Variants in ALX4 observed in about 807,000 individuals in gnomAD.
The protein encoded by ALX4 is homeobox protein aristaless-like 4.
A neutral mutation model predicts 40.6 loss-of-function variants in ALX4; 22 were observed. The observed-to-expected ratio is 0.54, with a 90% CI of 0.39 to 0.77. The LOEUF (loss-of-function observed/expected upper bound fraction) is 0.77, where lower values mean the gene tolerates loss of function less well. Among genes scored for constraint, ALX4 ranks in the 30% least tolerant of loss-of-function variants. The pLI, the probability that ALX4 is intolerant of heterozygous loss-of-function variation, is 0.00. For synonymous variants in ALX4, 266 were observed against 240.5 expected, an observed-to-expected ratio of 1.11 and a Z score of -0.98; for missense variants, 556 against 564.8, an observed-to-expected ratio of 0.98 and a Z score of 0.16.
intron 1 of ALX4, among the ~76,000 whole-genome samples, chr11:44,307,314 G>A (rs1021315507): frequency 6.6e-6 from 1 of 152,208 alleles, no homozygotes; most frequent in Admixed American, 6.5e-5. Context: ...TTGCTGTCAG[G>A]TCACACTGCC....
intron 1 of ALX4, among the ~76,000 whole-genome samples, chr11:44,300,942 G>T (rs1287024709): frequency 4.6e-5 from 7 of 152,122 alleles, no homozygotes; most frequent in Admixed American, 4.6e-4. Context: ...GCGCCTGCAC[G>T]CCCCAGGGCA....
chr11:44,298,188 T>C lies in ALX4; in HGVS notation c.466+11409A>G, dbSNP rs151000769. 1.6e-3 allele frequency among the ~76,000 whole-genome samples: 244 copies of C among 152,334 alleles called. 1 individual carries two copies. The highest frequency in any genetic ancestry group is 5.3e-3 in the African/African-American group (222 of 41,588). On this transcript the variant is annotated intron_variant, in intron 1 of 3. Coordinates refer to ENST00000652299, the MANE Select transcript of ALX4 (RefSeq NM_021926.4). ...TGAGCTGTTCCCCCTCTTTGAACTT[T>C]GGCTTCCATCTGTAAAATGGAGATT...
chr11:44,281,325 C>A (rs1956308777), intron 1 of ALX4, among the ~76,000 whole-genome samples: 1 of 151,992 alleles, frequency 6.6e-6, no homozygotes, highest in South Asian at 2.1e-4. Context: ...CGCAGGCACA[C>A]AAGTGGGATG....
Position 44,309,588 on chromosome 11 carries a change from T to C in ALX4, c.466+9A>G. On this transcript the variant is annotated intron_variant, in intron 1 of 3. Coordinates refer to ENST00000652299, the MANE Select transcript of ALX4 (RefSeq NM_021926.4). ...TCCCCAGCACCAGGTGACCCGCACGTGCACTCACCGTAGCAGGGAACCTGC... is the reference window on the plus strand; with the variant it reads ...TCCCCAGCACCAGGTGACCCGCACGCGCACTCACCGTAGCAGGGAACCTGC... 3 of 1,575,814 alleles carry C rather than the reference T, an allele frequency of 1.9e-6. No homozygotes were observed. Among genetic ancestry groups the C allele is most frequent in the Non-Finnish European group, 2.6e-6 (3 of 1,169,902 alleles).
intron 1 of ALX4, among the ~76,000 whole-genome samples, chr11:44,284,190 G>A (rs1015123269): frequency 2.7e-4 from 41 of 151,168 alleles, no homozygotes; most frequent in African/African-American, 9.7e-4. Context: ...ATGGGTCTAT[G>A]GGTTAATTTT....
intron 1 of ALX4, among the ~76,000 whole-genome samples, chr11:44,292,882 G>T (rs549384557): frequency 1.3e-5 from 2 of 152,140 alleles, no homozygotes; most frequent in South Asian, 4.2e-4. Context: ...GACTGCCTGA[G>T]CTCAGGAGTT....
intron 2 of ALX4, 89 bp from the exon 3 acceptor site, chr11:44,267,711 C>T: frequency 1.9e-6 from 3 of 1,583,188 alleles, no homozygotes; most frequent in South Asian, 2.2e-5. Flanking sequence ...TCCCTTGAGC[C>T]CCCCATCAGT....
At chr11:44,304,964 C>T (rs371333365) in intron 1 of ALX4, among the ~76,000 whole-genome samples, 1 of 152,240 alleles carries the variant, frequency 6.6e-6, no homozygotes, top group Admixed American at 6.5e-5. Flanking sequence ...GAATCGGGAC[C>T]GCGCAAATGC....
chr11:44,286,305 A>G (rs1956338282), intron 1 of ALX4, among the ~76,000 whole-genome samples: 1 of 152,080 alleles, frequency 6.6e-6, no homozygotes, highest in Non-Finnish European at 1.5e-5. Flanking sequence ...GCTCAACAAC[A>G]TTGCATGAAT....
Position 44,309,885 on chromosome 11 carries a change from C to A in ALX4, c.178G>T (p.Ala60Ser). 4 of 1,578,278 alleles carry A rather than the reference C, an allele frequency of 2.5e-6. No individual in the cohort carries two copies. Among genetic ancestry groups the A allele is most frequent in the South Asian group, 1.2e-5 (1 of 86,318 alleles). The change falls in exon 1 of 4, where the codon GCC becomes TCC. Residue 60 changes from alanine (A) to serine (S), a missense_variant. Physicochemically the swap from Ala to Ser is moderately conservative, Grantham distance 99. Transcript: ENST00000652299. ...AAAKAQGFGD[A>S]KSRARYGAGQ... ...GCGCCGTAACGGGCCCGGCTCTTGG[C>A]GTCCCCGAATCCCTGTGCTTTGGCG... is the stretch of plus-strand genomic sequence containing the variant.
chr11:44,302,125 G>A (rs1186885744), intron 1 of ALX4, among the ~76,000 whole-genome samples: 3 of 152,196 alleles, frequency 2.0e-5, no homozygotes, highest in Admixed American at 2.0e-4. Flanking sequence ...GGGCGCCTCT[G>A]GAGGCAGAGG....
intron 2 of ALX4, among the ~76,000 whole-genome samples, chr11:44,271,351 C>T (rs1425945026): frequency 3.9e-5 from 6 of 152,352 alleles, no homozygotes; most frequent in Admixed American, 3.3e-4. Flanking sequence ...AGTGCTGCTA[C>T]TGAGTGGCTG....
At chr11:44,303,520 A>G (rs1956447519) in intron 1 of ALX4, among the ~76,000 whole-genome samples, 1 of 152,078 alleles carries the variant, frequency 6.6e-6, no homozygotes, top group African/African-American at 2.4e-5. Flanking sequence ...CTGGAGTCCA[A>G]ATCCGAACCG....
At chr11:44,278,147 C>T (rs1267300161) in intron 1 of ALX4, among the ~76,000 whole-genome samples, 2 of 152,048 alleles carry the variant, frequency 1.3e-5, no homozygotes, top group Non-Finnish European at 2.9e-5. Context: ...CAGGCCCCAT[C>T]TCACAGCCCC....
At chr11:44,274,131 C>A (rs960755321) in intron 2 of ALX4, among the ~76,000 whole-genome samples, 1 of 152,048 alleles carries the variant, frequency 6.6e-6, no homozygotes, top group Non-Finnish European at 1.5e-5. Flanking sequence ...TAGAATGAGA[C>A]CCTGTCTCTA....
Position 44,267,532 on chromosome 11 carries a change from C to T in ALX4, c.868G>A (p.Glu290Lys). 1 of 1,614,194 alleles carries T rather than the reference C, an allele frequency of 6.2e-7. No homozygotes were observed. The highest frequency in any genetic ancestry group is 8.5e-7 in the Non-Finnish European group (1 of 1,180,036). Residue 290 changes from glutamate (E) to lysine (K), a missense_variant, in exon 3 of 4, where the codon GAG becomes AAG. Coordinates refer to ENST00000652299, the MANE Select transcript of ALX4 (RefSeq NM_021926.4). ...QVRTHFSTAY[E>K]LPLLTRAENY... ...TCAGCTCGGGTGAGGAGGGGCAGCT[C>T]ATATGCAGTGGAGAAGTGGGTTCGA...
chr11:44,267,916 A>G (rs1956222877), intron 2 of ALX4, among the ~76,000 whole-genome samples: 2 of 152,228 alleles, frequency 1.3e-5, no homozygotes, highest in Admixed American at 1.3e-4. Context: ...GTCACCACCT[A>G]TAAAACAAGT....
chr11:44,282,390 C>T (rs1351058760), intron 1 of ALX4, among the ~76,000 whole-genome samples: 1 of 152,202 alleles, frequency 6.6e-6, no homozygotes, highest in Non-Finnish European at 1.5e-5. Flanking sequence ...CCATCCATCA[C>T]AGTGCAAACA....
chr11:44,271,504 A>C lies in ALX4; in HGVS notation c.777+3844T>G, dbSNP rs571895632. 2.6e-4 allele frequency among the ~76,000 whole-genome samples: 40 copies of C among 152,328 alleles called. No homozygotes were observed. The South Asian group carries it at 8.3e-3, about 32-fold the overall frequency. ...TAGGTGATAAGATATGCAGCACGTCAGAGTTTCCCTTTCTGCCTTGGCTGC... is the reference window on the plus strand; with the variant it reads ...TAGGTGATAAGATATGCAGCACGTCCGAGTTTCCCTTTCTGCCTTGGCTGC... On this transcript the variant is annotated intron_variant, in intron 2 of 3. Coordinates refer to ENST00000652299, the MANE Select transcript of ALX4 (RefSeq NM_021926.4).
Sources: gnomAD v4.1 joint callset for allele counts (sites outside exome capture counted in the v4.1 genomes callset) on GRCh38, gnomAD v4.1.1 for gene constraint, MANE v1.5 for transcripts, NCBI Gene and HGNC (gene_info 2026-07-23, HGNC 2026-07-21) for gene names.